LNX1: variants seen among roughly 807,000 people sequenced by gnomAD.
LNX1 encodes the protein E3 ubiquitin-protein ligase LNX.
Under a neutral mutation model 68.4 loss-of-function variants are expected in LNX1, and 54 were observed. The observed-to-expected ratio is 0.79, with a 90% CI of 0.63 to 0.99. LNX1 has a LOEUF of 0.99. LNX1 is among the 50% of genes least tolerant of loss of function. The pLI is 0.00. For missense variants in LNX1, 906 were observed against 926.4 expected (o/e 0.98, Z 0.29); for synonymous variants, 336 against 350.0 (o/e 0.96, Z 0.45).
chr4:53,532,963 C>T (rs1344021503), intron 2 of LNX1, among the ~76,000 whole-genome samples: 6 of 152,128 alleles, frequency 3.9e-5, no homozygotes, highest in Non-Finnish European at 8.8e-5. Context: ...CCAAAGATCC[C>T]GTCAGGGGAG....
At chr4:53,632,084 C>T (rs1455441588) in intron 1 of LNX1, among the ~76,000 whole-genome samples, 10 of 152,116 alleles carry the variant, frequency 6.6e-5, no homozygotes, top group South Asian at 4.2e-4. Flanking sequence ...GGAGGTGGGT[C>T]ATTGAAGGGA....
chr4:53,499,981 T>C (rs1394170792), intron 4 of LNX1: 1 of 152,244 alleles, frequency 6.6e-6, no homozygotes, highest in Non-Finnish European at 1.5e-5. Context: ...TTTCATCCCA[T>C]TGTGACCACA....
At chr4:53,575,763 T>C in intron 1 of LNX1, 2 of 1,558,328 alleles carry the variant, frequency 1.3e-6, no homozygotes, top group African/African-American at 1.4e-5. Flanking sequence ...CTGGTGGTAG[T>C]CACAGTGGCC....
chr4:53,591,421 G>C lies in LNX1; in HGVS notation c.-120C>G. 1 of 985,832 alleles carries C rather than the reference G, an allele frequency of 1.0e-6. No homozygotes were observed. Among genetic ancestry groups the C allele is most frequent in the Non-Finnish European group, 1.2e-6 (1 of 830,278 alleles). The allele number at this position is 985,832 out of a possible 1,614,324, so 61.1% of individuals were successfully genotyped here. A position where few individuals can be genotyped will look rare whatever the true frequency, so the allele number is the denominator to read the frequency against. On this transcript the variant is annotated 5_prime_UTR_variant, in exon 1 of 11. Coordinates refer to ENST00000263925, the MANE Select transcript of LNX1 (RefSeq NM_001126328.3). ...GCGACTGTCTGGGGCTCTCCAAGCAGCAGCAGGCAGGCAGCTCTCATTCCT... is the reference window on the plus strand; with the variant it reads ...GCGACTGTCTGGGGCTCTCCAAGCACCAGCAGGCAGGCAGCTCTCATTCCT...
intron 2 of LNX1, among the ~76,000 whole-genome samples, chr4:53,537,886 C>T (rs1241043919): frequency 2.6e-5 from 4 of 152,304 alleles, no homozygotes; most frequent in South Asian, 2.1e-4. Flanking sequence ...TTTCAGGAAA[C>T]GGTGTGGGGA....
At chr4:53,632,501 G>A (rs1054395325) in intron 1 of LNX1, among the ~76,000 whole-genome samples, 2 of 152,322 alleles carry the variant, frequency 1.3e-5, no homozygotes, top group African/African-American at 2.4e-5. Flanking sequence ...GACTGACTAG[G>A]GTACAAAAGT....
intron 2 of LNX1, among the ~76,000 whole-genome samples, chr4:53,606,909 C>G (rs926198435): frequency 1.3e-5 from 2 of 152,094 alleles, no homozygotes; most frequent in South Asian, 2.1e-4. Flanking sequence ...ATTCAACATC[C>G]CTTCATGTTA....
intron 2 of LNX1, among the ~76,000 whole-genome samples, chr4:53,544,745 A>G (rs1421215201): frequency 6.6e-6 from 1 of 152,250 alleles, no homozygotes; most frequent in Non-Finnish European, 1.5e-5. Context: ...GACACTGATC[A>G]ATAATGCCCA....
chr4:53,472,077 G>C (rs956260378), intron 9 of LNX1, among the ~76,000 whole-genome samples: 2 of 152,080 alleles, frequency 1.3e-5, no homozygotes, highest in African/African-American at 4.8e-5. Context: ...ACAAAGACTT[G>C]GAACCAACCC....
At chr4:53,538,311 G>A (rs1728515609) in intron 2 of LNX1, among the ~76,000 whole-genome samples, 1 of 152,170 alleles carries the variant, frequency 6.6e-6, no homozygotes, top group African/African-American at 2.4e-5. Flanking sequence ...TTCAGGCTAA[G>A]AGCCAGAATC....
chr4:53,499,615 G>T (rs185814488), intron 4 of LNX1, among the ~76,000 whole-genome samples: 49 of 152,324 alleles, frequency 3.2e-4, no homozygotes, highest in Admixed American at 7.8e-4. Context: ...TTAATGGAAT[G>T]AATTGCAGTT....
intron 1 of LNX1, among the ~76,000 whole-genome samples, chr4:53,627,547 A>T (rs1202008880): frequency 6.6e-6 from 1 of 152,222 alleles, no homozygotes; most frequent in East Asian, 1.9e-4. Flanking sequence ...TCTGCTCTGA[A>T]TTGATGCCCC....
chr4:53,506,241 G>A (rs945467575), intron 4 of LNX1, among the ~76,000 whole-genome samples: 11 of 152,148 alleles, frequency 7.2e-5, no homozygotes, highest in Admixed American at 2.0e-4. Flanking sequence ...TTTCTCATCT[G>A]TAAAATGGGA....
chr4:53,587,308 T>C (rs1194893485), intron 1 of LNX1, among the ~76,000 whole-genome samples: 1 of 152,196 alleles, frequency 6.6e-6, no homozygotes, highest in Non-Finnish European at 1.5e-5. Context: ...TTTCCACATT[T>C]TATGGTTTTT....
At chr4:53,560,994 C>G (rs1416685518) in intron 2 of LNX1, among the ~76,000 whole-genome samples, 1 of 152,174 alleles carries the variant, frequency 6.6e-6, no homozygotes, top group South Asian at 2.1e-4. Context: ...CCTGGCTGTC[C>G]TGTTTATCCT....
intron 2 of LNX1, among the ~76,000 whole-genome samples, chr4:53,510,321 T>C (rs1408033126): frequency 6.6e-6 from 1 of 152,262 alleles, no homozygotes; most frequent in Non-Finnish European, 1.5e-5. Flanking sequence ...TCATCTTCTT[T>C]GCTGTTATAT....
chr4:53,534,115 G>A (rs1728204743), intron 2 of LNX1, among the ~76,000 whole-genome samples: 2 of 152,200 alleles, frequency 1.3e-5, no homozygotes, highest in South Asian at 2.1e-4. Context: ...AGAAAGGGAT[G>A]GTTCTCAGGA....
At chr4:53,556,003 G>A (rs1159840773) in intron 2 of LNX1, among the ~76,000 whole-genome samples, 1 of 152,154 alleles carries the variant, frequency 6.6e-6, no homozygotes, top group South Asian at 2.1e-4. Flanking sequence ...GGAATCTGTA[G>A]TCAGTGGAGT....
At chr4:53,610,018 A>G (rs1301280234) in intron 2 of LNX1, among the ~76,000 whole-genome samples, 1 of 151,846 alleles carries the variant, frequency 6.6e-6, no homozygotes, top group East Asian at 1.9e-4. Flanking sequence ...AGATTTGAAA[A>G]TGGACATTTT....
Sources: gnomAD v4.1 joint callset for allele counts (sites outside exome capture counted in the v4.1 genomes callset) on GRCh38, gnomAD v4.1.1 for gene constraint, MANE v1.5 for transcripts, NCBI Gene and HGNC (gene_info 2026-07-23, HGNC 2026-07-21) for gene names.